The following BIRC6 variants were observed in gnomAD, a reference collection of about 807,000 sequenced individuals.
BIRC6 encodes dual E2 ubiquitin-conjugating enzyme/E3 ubiquitin-protein ligase BIRC6.
BIRC6 carries 98 observed loss-of-function variants against 503.3 expected under a neutral mutation model. That is an observed-to-expected ratio of 0.19 (90% CI 0.17 to 0.23). The LOEUF is 0.23. Ranked by LOEUF, BIRC6 falls within the 10% of genes least tolerant of loss-of-function variation. BIRC6 has a pLI of 1.00. For synonymous variants in BIRC6, 2,240 were observed against 2,078.7 expected (o/e 1.08, Z -2.11); for missense variants, 5,360 against 5,806.0 (o/e 0.92, Z 2.50).
At chr2:32,557,992 G>A (rs2058901021) in intron 65 of BIRC6, 1 of 152,022 alleles carries the variant, frequency 6.6e-6, no homozygotes, top group African/African-American at 2.4e-5. Flanking sequence ...TGCTAGAAAA[G>A]AAATACTAGC....
At chr2:32,410,843 G>A (rs1320044614) in intron 9 of BIRC6, among the ~76,000 whole-genome samples, 6 of 151,844 alleles carry the variant, frequency 4.0e-5, no homozygotes. Flanking sequence ...TGGGACTGCC[G>A]GTGCCCGCCA....
At chr2:32,520,765 C>T (rs183004686) in intron 57 of BIRC6, among the ~76,000 whole-genome samples, 214 of 152,168 alleles carry the variant, frequency 1.4e-3, no homozygotes, top group African/African-American at 5.0e-3. Context: ...TACGGTGAGC[C>T]GAGATTGCGC....
At chr2:32,444,184 T>C (rs1264514694) in intron 20 of BIRC6, among the ~76,000 whole-genome samples, 2 of 152,062 alleles carry the variant, frequency 1.3e-5, no homozygotes, top group South Asian at 4.1e-4. Flanking sequence ...TATGAACATA[T>C]GGTTAGAAGA....
At chr2:32,408,925 A>G (rs1001822325) in intron 9 of BIRC6, among the ~76,000 whole-genome samples, 24 of 152,150 alleles carry the variant, frequency 1.6e-4, no homozygotes, top group African/African-American at 5.6e-4. Flanking sequence ...TAATTTTGTT[A>G]TATTGGAAGA....
rs562302801 is a variant in BIRC6, at chr2:32,375,492, CA to C, written c.326-2088del. Among the ~76,000 whole-genome samples, 12 of 151,594 alleles carry C rather than the reference CA, an allele frequency of 7.9e-5. No individual in the cohort carries two copies. In the South Asian group the frequency reaches 2.5e-3, roughly 32 times the overall value. ...CCCTGTCTCTAAAAAAACAAACAAA[CA>C]AAAAAAACCCCCAAAAAACTCCAGA... is the stretch of plus-strand genomic sequence containing the variant. On this transcript the variant is annotated intron_variant, in intron 1 of 73. Coordinates refer to ENST00000421745, the MANE Select transcript of BIRC6 (RefSeq NM_016252.4).
chr2:32,450,806 T>A (rs1458397024), intron 22 of BIRC6, among the ~76,000 whole-genome samples: 3 of 152,188 alleles, frequency 2.0e-5, no homozygotes, highest in Non-Finnish European at 4.4e-5. Context: ...GCTGTGTGCC[T>A]TAAATCATTT....
At chr2:32,452,939 A>T (rs2046871753) in intron 22 of BIRC6, among the ~76,000 whole-genome samples, 1 of 152,004 alleles carries the variant, frequency 6.6e-6, no homozygotes, top group Admixed American at 6.6e-5. Flanking sequence ...AAACAAGGTT[A>T]TGACAGTTTA....
chr2:32,562,603 T>A (rs541569338), intron 65 of BIRC6, among the ~76,000 whole-genome samples: 1 of 152,348 alleles, frequency 6.6e-6, no homozygotes, highest in African/African-American at 2.4e-5. Flanking sequence ...CTGCATCCCT[T>A]CCTAATCCCC....
chr2:32,534,147 G>A lies in BIRC6; in HGVS notation c.12291+2596G>A, dbSNP rs181867697. 2.9e-4 allele frequency among the ~76,000 whole-genome samples: 44 copies of A among 152,162 alleles called. No individual in the cohort carries two copies. In the East Asian group the frequency reaches 7.5e-3, roughly 26 times the overall value. On this transcript the variant is annotated intron_variant, in intron 61 of 73. Coordinates refer to ENST00000421745, the MANE Select transcript of BIRC6 (RefSeq NM_016252.4). ...CCAGCACTTTGGGAGGCCAAGGCAG[G>A]AGGGTCACCTGAGGTCAGCAGTTCG...
At chr2:32,361,779 T>A (rs1221892818) in intron 1 of BIRC6, among the ~76,000 whole-genome samples, 6 of 152,200 alleles carry the variant, frequency 3.9e-5, no homozygotes, top group Non-Finnish European at 8.8e-5. Flanking sequence ...AATGTCATAG[T>A]TGTATTTATA....
chr2:32,406,455 C>CT (rs1273064195), intron 8 of BIRC6, 44 bp from the exon 9 acceptor site: 3 of 1,461,154 alleles, frequency 2.1e-6, no homozygotes. Context: ...ATGATGTATA[C>CT]TTTTTTTGAA....
chr2:32,358,020 C>A (rs1433103834), intron 1 of BIRC6, among the ~76,000 whole-genome samples: 3 of 49,374 alleles, frequency 6.1e-5, no homozygotes, highest in African/African-American at 2.9e-4. Flanking sequence ...GGCTGTGCGC[C>A]CAGCGTGGGG....
intron 20 of BIRC6, among the ~76,000 whole-genome samples, chr2:32,445,298 T>G (rs1356306381): frequency 6.6e-6 from 1 of 152,240 alleles, no homozygotes; most frequent in Non-Finnish European, 1.5e-5. Context: ...TATTTGAAAT[T>G]CTTAGTGTAA....
chr2:32,464,524 G>A lies in BIRC6; in HGVS notation c.4957G>A (p.Ala1653Thr), dbSNP rs1449648090. 1.9e-6 allele frequency: 3 copies of A among 1,573,546 alleles called. No individual in the cohort carries two copies. The highest frequency in any genetic ancestry group is 2.6e-6 in the Non-Finnish European group (3 of 1,158,334). Reference protein sequence around the residue: ...KLQQQKAKLEAKLHQTTAAAA... With the variant: ...KLQQQKAKLETKLHQTTAAAA... ...TCTTTTGCAGAAAGCAAAGCTGGAA[G>A]CCAAGTTACATCAGACAACAGCTGC... Residue 1653 changes from alanine (A) to threonine (T), a missense_variant, in exon 25 of 74, where the codon GCC (alanine) becomes ACC (threonine). Ala to Thr is a moderately conservative substitution (Grantham distance 58, BLOSUM62 0). Coordinates refer to ENST00000421745, the MANE Select transcript of BIRC6 (RefSeq NM_016252.4).
At chr2:32,425,202 T>C (rs2043352832) in intron 10 of BIRC6, among the ~76,000 whole-genome samples, 1 of 152,130 alleles carries the variant, frequency 6.6e-6, no homozygotes, top group African/African-American at 2.4e-5. Flanking sequence ...TTCTGTGGGT[T>C]GTCTTTTTAC....
rs771783789 is a variant in BIRC6 at position 32,518,391 on chromosome 2, A to G, written c.11487A>G (p.Pro3829=). 6.2e-6 allele frequency: 10 copies of G among 1,607,086 alleles called. No individual in the cohort carries two copies. The highest frequency in any genetic ancestry group is 2.7e-5 in the African/African-American group (2 of 74,398). ...AAGTGACAATGTTTCTTCAGTCTCC[A>G]TGTCCAGTGAGTATTTAACACTTAA... ...DEKVTMFLQS[P]CPLYKGRINA... The change falls in exon 56 of 74, where the codon CCA becomes CCG. Residue 3829 remains proline, a synonymous_variant. Coordinates refer to ENST00000421745, the MANE Select transcript of BIRC6 (RefSeq NM_016252.4).
At chr2:32,536,895 A>G (rs749858277) in intron 61 of BIRC6, among the ~76,000 whole-genome samples, 7 of 152,168 alleles carry the variant, frequency 4.6e-5, no homozygotes, top group Non-Finnish European at 8.8e-5. Context: ...ACCCATGAGC[A>G]TGGAATGTTC....
intron 65 of BIRC6, among the ~76,000 whole-genome samples, chr2:32,552,001 A>G (rs1270225602): frequency 6.6e-6 from 1 of 152,212 alleles, no homozygotes; most frequent in Non-Finnish European, 1.5e-5. Flanking sequence ...GCCTAACATA[A>G]TAGCCTTTTC....
At position 32,595,177 on chromosome 2, in the gene BIRC6, C is replaced by T. The variant is rs1315557847; in HGVS notation, c.13612+33C>T. On this transcript the variant is annotated intron_variant, in intron 68 of 73. Transcript: ENST00000421745. ...GAAATTTTTGATTTGCTTAAGATCT[C>T]ACTTTCCATTTTTTTTTAACAGTGC... 2.2e-6 allele frequency: 3 copies of T among 1,371,078 alleles called. No homozygotes were observed. In the African/African-American group the frequency reaches 4.4e-5, roughly 20 times the overall value. The allele number at this position is 1,371,078 out of a possible 1,614,324, so 84.9% of individuals were successfully genotyped here.
Sources: gnomAD v4.1 joint callset for allele counts (sites outside exome capture counted in the v4.1 genomes callset) on GRCh38, gnomAD v4.1.1 for gene constraint, MANE v1.5 for transcripts, NCBI Gene and HGNC (gene_info 2026-07-23, HGNC 2026-07-21) for gene names.